The following HERC1 variants were observed in gnomAD, a reference collection of about 807,000 sequenced individuals.
The protein encoded by HERC1 is HECT and RLD domain containing E3 ubiquitin protein ligase family member 1, also known as probable E3 ubiquitin-protein ligase HERC1.
A neutral mutation model predicts 554.3 loss-of-function variants in HERC1; 160 were observed. The ratio of observed to expected loss-of-function variants is 0.29; its 90% CI spans 0.25 to 0.33. The LOEUF (loss-of-function observed/expected upper bound fraction) is 0.33, where lower values mean the gene tolerates loss of function less well. Among genes scored for constraint, HERC1 ranks in the 10% least tolerant of loss-of-function variants. The pLI, the probability that HERC1 is intolerant of heterozygous loss-of-function variation, is 1.00. For missense variants in HERC1, 4,919 were observed against 5,918.5 expected (o/e 0.83, Z 5.54); for synonymous variants, 2,175 against 2,131.7 (o/e 1.02, Z -0.56).
chr15:63,747,211 G>T, intron 11 of HERC1, 128 bp from the exon 12 acceptor site: 1 of 746,924 alleles, frequency 1.3e-6, no homozygotes, highest in African/African-American at 1.8e-5. Flanking sequence ...TGTAATCCCA[G>T]CACTTTGGGA....
intron 36 of HERC1, among the ~76,000 whole-genome samples, chr15:63,678,577 T>G (rs1015766590): frequency 1.3e-5 from 2 of 152,142 alleles, no homozygotes; most frequent in African/African-American, 4.8e-5. Context: ...TGCCCTGTTA[T>G]TTACATTTCC....
intron 45 of HERC1, among the ~76,000 whole-genome samples, chr15:63,661,375 T>C (rs2070350426): frequency 6.6e-6 from 1 of 152,236 alleles, no homozygotes; most frequent in Admixed American, 6.5e-5. Flanking sequence ...AATATTTTTA[T>C]GGAACTCGTT....
At chr15:63,651,513 G>T in intron 52 of HERC1, 133 bp from the exon 53 acceptor site, 1 of 813,918 alleles carries the variant, frequency 1.2e-6, no homozygotes, top group Non-Finnish European at 1.9e-6. Context: ...ACCTTGGCTA[G>T]CAGTATTTAA....
chr15:63,707,657 G>C (rs2153100624), intron 24 of HERC1, among the ~76,000 whole-genome samples: 1 of 152,212 alleles, frequency 6.6e-6, no homozygotes, highest in Admixed American at 6.5e-5. Context: ...GGCCGGGAGT[G>C]GTGGCTCACA....
Position 63,723,197 on chromosome 15 carries a change from A to G in HERC1, c.3727T>C (p.Tyr1243His). The change falls in exon 19 of 78, where the codon TAT (tyrosine) becomes CAT (histidine). Residue 1243 changes from tyrosine to histidine, a missense_variant. Physicochemically the swap from Tyr to His is moderately conservative, Grantham distance 83 (BLOSUM62 2). Transcript: ENST00000443617. Reference protein sequence around the residue: ...ARSLWISMQDYAVSKDWDSAT... With the variant: ...ARSLWISMQDHAVSKDWDSAT... ...TTTATCTTACCTTTACTAACAGCAT[A>G]GTCCTGCATGCTGATCCAAAGGCTT... The G allele has an allele frequency of 1.3e-6, 2 of 1,534,716 alleles. No individual in the cohort carries two copies. The highest frequency in any genetic ancestry group is 2.6e-5 in the South Asian group (2 of 77,150).
intron 1 of HERC1, among the ~76,000 whole-genome samples, chr15:63,804,422 T>C (rs2077075797): frequency 6.6e-6 from 1 of 151,790 alleles, no homozygotes; most frequent in Non-Finnish European, 1.5e-5. Flanking sequence ...CCGTCTCTAC[T>C]AAAAATACAA....
chr15:63,713,170 T>C (rs1229665923), intron 23 of HERC1, among the ~76,000 whole-genome samples, 183 bp downstream of exon 23: 1 of 152,302 alleles, frequency 6.6e-6, no homozygotes, highest in Non-Finnish European at 1.5e-5. Flanking sequence ...CAGAAATTTA[T>C]AGCCCATGCT....
chr15:63,788,555 A>G (rs370557168), intron 1 of HERC1, among the ~76,000 whole-genome samples: 12 of 152,360 alleles, frequency 7.9e-5, no homozygotes, highest in East Asian at 3.9e-4. Flanking sequence ...ATGAAGCACA[A>G]AAAGTACAGC....
chr15:63,732,010 G>T (rs953517920), intron 14 of HERC1, among the ~76,000 whole-genome samples: 4 of 152,038 alleles, frequency 2.6e-5, no homozygotes, highest in African/African-American at 7.2e-5. Flanking sequence ...GGTGGTGGTG[G>T]TGTTGTTTTG....
At chr15:63,732,674 AT>A (rs1055467543) in intron 14 of HERC1, among the ~76,000 whole-genome samples, 3 of 152,212 alleles carry the variant, frequency 2.0e-5, no homozygotes, top group African/African-American at 7.2e-5. Flanking sequence ...AAATGTTCCT[AT>A]TTTATTCTGT....
At chr15:63,808,393 T>C (rs1281867567) in intron 1 of HERC1, among the ~76,000 whole-genome samples, 2 of 152,124 alleles carry the variant, frequency 1.3e-5, no homozygotes, top group Non-Finnish European at 2.9e-5. Flanking sequence ...GTCCAAGTGA[T>C]CCTCCTGCCT....
intron 16 of HERC1, 120 bp downstream of exon 16, chr15:63,729,116 T>C: frequency 5.5e-6 from 5 of 907,660 alleles, no homozygotes; most frequent in South Asian, 1.9e-5. Context: ...GAATCTTCAA[T>C]AGAAGGAAAT....
At chr15:63,716,542 C>T in intron 21 of HERC1, 69 bp from the exon 22 acceptor site, 1 of 1,291,130 alleles carries the variant, frequency 7.7e-7, no homozygotes, top group Non-Finnish European at 1.0e-6. Flanking sequence ...TTTAAAAAAC[C>T]TTTAATTTTT....
At chr15:63,709,297 A>T (rs1186106301) in intron 24 of HERC1, among the ~76,000 whole-genome samples, 3 of 152,086 alleles carry the variant, frequency 2.0e-5, no homozygotes, top group African/African-American at 7.2e-5. Flanking sequence ...GGCATGAGCC[A>T]CTGCGCCTGG....
chr15:63,777,611 A>C (rs1233356810), intron 1 of HERC1, among the ~76,000 whole-genome samples: 1 of 152,184 alleles, frequency 6.6e-6, no homozygotes, highest in Non-Finnish European at 1.5e-5. Context: ...TATCTTGTCA[A>C]CTTGTAAAAG....
chr15:63,639,535 T>A (rs2068940242), intron 61 of HERC1, among the ~76,000 whole-genome samples: 1 of 152,206 alleles, frequency 6.6e-6, no homozygotes, highest in South Asian at 2.1e-4. Flanking sequence ...ATAGCTACAG[T>A]TACATAATTT....
At chr15:63,706,673 A>G (rs1359023456) in intron 25 of HERC1, 107 bp downstream of exon 25, 1 of 586,490 alleles carries the variant, frequency 1.7e-6, no homozygotes, top group Admixed American at 3.4e-5. Context: ...ATATCTAAAT[A>G]CATCAGATAT....
Position 63,713,647 on chromosome 15 carries a change from A to G in HERC1, c.4169T>C (p.Leu1390Pro). 1.2e-6 allele frequency: 2 copies of G among 1,610,656 alleles called. No individual in the cohort carries two copies. Among genetic ancestry groups the G allele is most frequent in the Non-Finnish European group, 1.7e-6 (2 of 1,178,178 alleles). Residue 1390 changes from leucine (L) to proline (P), a missense_variant, in exon 23 of 78, where the codon CTC becomes CCC. Around this residue, in one of 11 missense-constraint regions of HERC1, gnomAD observed 1,121 missense variants for 1,244.0 expected, o/e 0.90. Transcript: ENST00000443617. Reference protein sequence around the residue: ...MTAGKIFQCFLSAREVARSRD... With the variant: ...MTAGKIFQCFPSAREVARSRD... The stretch of plus-strand genomic sequence containing the variant: ...GCTACGAGCTACTTCACGGGCTGAG[A>G]GGAAACACTGAAAGATTTCTGTAAC...
Position 63,808,955 on chromosome 15 carries a change from T to A in HERC1, c.-27+24872A>T, listed in dbSNP as rs536231767. Reference sequence around the variant, plus strand: ...TATCCTCACAGAACTCCCAATGTTATATCCAATTGATACTTCAAGAACTCA... The same window carrying A: ...TATCCTCACAGAACTCCCAATGTTAAATCCAATTGATACTTCAAGAACTCA... On this transcript the variant is annotated intron_variant, in intron 1 of 77. Coordinates refer to ENST00000443617, the MANE Select transcript of HERC1 (RefSeq NM_003922.4). Among the ~76,000 whole-genome samples, 82 of 152,320 alleles carry A rather than the reference T, an allele frequency of 5.4e-4. 1 individual carries two copies. The highest frequency in any genetic ancestry group is 1.9e-3 in the African/African-American group (77 of 41,582).
Sources: allele counts gnomAD v4.1 joint callset (sites outside exome capture counted in the v4.1 genomes callset), GRCh38; gene constraint gnomAD v4.1.1; regional missense constraint gnomAD v4.1.1; transcripts MANE v1.5; gene names NCBI Gene and HGNC (gene_info 2026-07-23, HGNC 2026-07-21).